TMEM132C: variants seen among roughly 807,000 people sequenced by gnomAD.
TMEM132C encodes the protein transmembrane protein 132C.
TMEM132C carries 29 observed loss-of-function variants against 61.4 expected under a neutral mutation model. The ratio of observed to expected loss-of-function variants is 0.47; its 90% CI spans 0.35 to 0.64. The LOEUF is 0.64. Ranked by LOEUF, TMEM132C falls within the 30% of genes least tolerant of loss-of-function variation. The probability of loss-of-function intolerance (pLI) is 0.00; values close to 1 mark genes in which losing one functional copy is unlikely to be tolerated. For synonymous variants in TMEM132C, 656 were observed against 633.1 expected (o/e 1.04, Z -0.54); for missense variants, 1,408 against 1,476.9 (o/e 0.95, Z 0.76).
At chr12:128,348,687 G>A (rs1372453481) in intron 1 of TMEM132C, among the ~76,000 whole-genome samples, 1 of 152,330 alleles carries the variant, frequency 6.6e-6, no homozygotes, top group African/African-American at 2.4e-5. Context: ...AAACTGGAAG[G>A]TTTCCAGCCA....
At chr12:128,337,002 C>T (rs1353767374) in intron 1 of TMEM132C, among the ~76,000 whole-genome samples, 2 of 152,148 alleles carry the variant, frequency 1.3e-5, no homozygotes, top group African/African-American at 4.8e-5. Context: ...TCCAAGTTGG[C>T]ATGACAAACT....
At chr12:128,504,849 A>T (rs956613752) in intron 2 of TMEM132C, among the ~76,000 whole-genome samples, 1 of 151,730 alleles carries the variant, frequency 6.6e-6, no homozygotes, top group Non-Finnish European at 1.5e-5. Context: ...GAGCAGAAAC[A>T]CAATTCAGTC....
At chr12:128,385,851 A>G (rs559000299) in intron 1 of TMEM132C, among the ~76,000 whole-genome samples, 1 of 152,298 alleles carries the variant, frequency 6.6e-6, no homozygotes, top group East Asian at 1.9e-4. Flanking sequence ...TGAGAGTCAT[A>G]CACCAGTGAC....
intron 4 of TMEM132C, among the ~76,000 whole-genome samples, chr12:128,633,031 G>C (rs1354939459): frequency 6.6e-6 from 1 of 152,164 alleles, no homozygotes; most frequent in Non-Finnish European, 1.5e-5. Flanking sequence ...CTGTGGGGTG[G>C]TTCTGTCCTG....
At chr12:128,365,875 A>C (rs1013255073) in intron 1 of TMEM132C, among the ~76,000 whole-genome samples, 4 of 152,082 alleles carry the variant, frequency 2.6e-5, no homozygotes, top group Non-Finnish European at 5.9e-5. Context: ...TTGTGTGCCG[A>C]GGAGCCCTCC....
At chr12:128,628,045 G>A (rs200622768) in intron 4 of TMEM132C, among the ~76,000 whole-genome samples, 29 of 152,232 alleles carry the variant, frequency 1.9e-4, no homozygotes, top group South Asian at 6.2e-4. Flanking sequence ...CTCTGGTATC[G>A]CACCTGCCCA....
intron 1 of TMEM132C, among the ~76,000 whole-genome samples, chr12:128,346,171 C>T (rs1873154529): frequency 6.6e-6 from 1 of 152,114 alleles, no homozygotes; most frequent in Admixed American, 6.5e-5. Context: ...ATCCTTTCCC[C>T]ATTGCTTGTT....
chr12:128,647,934 G>A (rs1954224668), intron 4 of TMEM132C, among the ~76,000 whole-genome samples: 1 of 149,820 alleles, frequency 6.7e-6, no homozygotes, highest in African/African-American at 2.5e-5. Context: ...AGCATTGGAT[G>A]AGTGTGTTTA....
intron 1 of TMEM132C, among the ~76,000 whole-genome samples, chr12:128,379,909 C>G (rs1334871390): frequency 6.6e-6 from 1 of 152,164 alleles, no homozygotes; most frequent in Non-Finnish European, 1.5e-5. Context: ...TTGCTAAGAC[C>G]TCACCCTGTG....
intron 4 of TMEM132C, among the ~76,000 whole-genome samples, chr12:128,663,677 A>G (rs1054605698): frequency 2.0e-5 from 3 of 151,334 alleles, no homozygotes; most frequent in African/African-American, 4.9e-5. Flanking sequence ...AATTACTTCT[A>G]TGTATAGGTA....
intron 1 of TMEM132C, among the ~76,000 whole-genome samples, chr12:128,413,012 G>A (rs1868616079): frequency 6.6e-6 from 1 of 152,062 alleles, no homozygotes. Flanking sequence ...TAAAACCAAT[G>A]TTGAGGCCAG....
At chr12:128,378,676 C>A (rs1365552257) in intron 1 of TMEM132C, among the ~76,000 whole-genome samples, 1 of 152,102 alleles carries the variant, frequency 6.6e-6, no homozygotes, top group Non-Finnish European at 1.5e-5. Flanking sequence ...GGGTGACGGT[C>A]AATTCACAGT....
chr12:128,465,725 G>A (rs1362230234), intron 2 of TMEM132C, among the ~76,000 whole-genome samples: 2 of 152,232 alleles, frequency 1.3e-5, no homozygotes, highest in East Asian at 3.9e-4. Context: ...GGGCCCCAAG[G>A]GCCAAAAGAA....
intron 2 of TMEM132C, among the ~76,000 whole-genome samples, chr12:128,452,298 G>A (rs765570437): frequency 5.9e-5 from 9 of 151,824 alleles, no homozygotes; most frequent in Non-Finnish European, 1.3e-4. Context: ...GGGTTTTGCC[G>A]TGTTGCCCAG....
Position 128,414,810 on chromosome 12 carries a change from T to C in TMEM132C, c.164T>C (p.Ile55Thr). 1 of 1,543,780 alleles carries C rather than the reference T, an allele frequency of 6.5e-7. No homozygotes were observed. Among genetic ancestry groups the C allele is most frequent in the South Asian group, 1.2e-5 (1 of 84,052 alleles). Residue 55 changes from isoleucine to threonine, a missense_variant, in exon 2 of 9, where the codon ATC becomes ACC. Transcript: ENST00000435159. ...LPPYLPVSYH[I>T]LRAETSFFLK... The stretch of plus-strand genomic sequence containing the variant: ...CCTTACCTACCTGTGAGCTACCACA[T>C]CCTCAGAGCAGAGACCTCCTTCTTC...
At chr12:128,467,754 G>A (rs1000563986) in intron 2 of TMEM132C, among the ~76,000 whole-genome samples, 10 of 152,264 alleles carry the variant, frequency 6.6e-5, no homozygotes, top group Non-Finnish European at 1.5e-4. Context: ...AGCTGCATCT[G>A]GAGCAAGCTG....
At chr12:128,411,099 G>A (rs1017696253) in intron 1 of TMEM132C, among the ~76,000 whole-genome samples, 1 of 152,172 alleles carries the variant, frequency 6.6e-6, no homozygotes, top group Non-Finnish European at 1.5e-5. Flanking sequence ...GTGTGTGCAT[G>A]TTGGGGGACA....
intron 2 of TMEM132C, among the ~76,000 whole-genome samples, chr12:128,490,838 A>G (rs1003125514): frequency 6.6e-6 from 1 of 152,176 alleles, no homozygotes; most frequent in Non-Finnish European, 1.5e-5. Flanking sequence ...TGTCCTTTCT[A>G]TCCCATGGGA....
rs147348587 is a variant in TMEM132C, at chr12:128,581,321, T to A, written c.1122-34831T>A. On this transcript the variant is annotated intron_variant, in intron 3 of 8. Coordinates refer to ENST00000435159, the MANE Select transcript of TMEM132C (RefSeq NM_001136103.3). Reference sequence around the variant, plus strand: ...GAAATGTTTAATTTGCAAATCACAGTGAGTTCCAAAACCCAGTCAGTCCTT... The same window carrying A: ...GAAATGTTTAATTTGCAAATCACAGAGAGTTCCAAAACCCAGTCAGTCCTT... Among the ~76,000 whole-genome samples, 11 of 152,148 alleles carry A rather than the reference T, an allele frequency of 7.2e-5. No individual in the cohort carries two copies. The East Asian group carries it at 2.1e-3, about 29-fold the overall frequency.
Sources: gnomAD v4.1 joint callset for allele counts (sites outside exome capture counted in the v4.1 genomes callset) on GRCh38, gnomAD v4.1.1 for gene constraint, MANE v1.5 for transcripts, NCBI Gene and HGNC (gene_info 2026-07-23, HGNC 2026-07-21) for gene names.